SLC24A4: variants seen among roughly 807,000 people sequenced by gnomAD.
SLC24A4 encodes the protein sodium/potassium/calcium exchanger 4.
A neutral mutation model predicts 79.0 loss-of-function variants in SLC24A4; 53 were observed. The observed-to-expected ratio is 0.67, with a 90% CI of 0.54 to 0.84. SLC24A4 has a LOEUF of 0.84. Ranked by LOEUF, SLC24A4 falls within the 40% of genes least tolerant of loss-of-function variation. SLC24A4 has a pLI of 0.00. For missense variants in SLC24A4, 731 were observed against 822.0 expected, an observed-to-expected ratio of 0.89 and a Z score of 1.35; for synonymous variants, 323 against 323.8, an observed-to-expected ratio of 1.00 and a Z score of 0.03.
intron 12 of SLC24A4, among the ~76,000 whole-genome samples, chr14:92,480,306 A>G (rs868684773): frequency 3.3e-4 from 1 of 2,998 alleles, no homozygotes; most frequent in Admixed American, 5.5e-3. Flanking sequence ...TTTTTTTTTG[A>G]GATGGAGTCT....
At chr14:92,384,633 G>A (rs1217498261) in intron 2 of SLC24A4, among the ~76,000 whole-genome samples, 1 of 152,134 alleles carries the variant, frequency 6.6e-6, no homozygotes, top group Non-Finnish European at 1.5e-5. Context: ...GTCAATCCTG[G>A]CTGGCTTCAT....
intron 3 of SLC24A4, among the ~76,000 whole-genome samples, chr14:92,437,311 G>A (rs1892229959): frequency 6.6e-6 from 1 of 152,118 alleles, no homozygotes; most frequent in Admixed American, 6.5e-5. Context: ...ATATTTTACT[G>A]GCCAATTTGC....
At chr14:92,386,044 C>T (rs965985414) in intron 2 of SLC24A4, among the ~76,000 whole-genome samples, 2 of 152,158 alleles carry the variant, frequency 1.3e-5, no homozygotes, top group African/African-American at 4.8e-5. Context: ...GGGTCCTGTC[C>T]CTGTTTGGAG....
chr14:92,426,001 T>G (rs1270866780), intron 2 of SLC24A4, among the ~76,000 whole-genome samples: 1 of 151,770 alleles, frequency 6.6e-6, no homozygotes, highest in Admixed American at 6.6e-5. Context: ...AATCAATCAG[T>G]CAATCAATCA....
intron 2 of SLC24A4, among the ~76,000 whole-genome samples, chr14:92,375,343 G>A (rs913548477): frequency 4.6e-5 from 7 of 152,120 alleles, no homozygotes; most frequent in African/African-American, 1.2e-4. Context: ...TAAGACCCTC[G>A]GACAGTGCTG....
intron 2 of SLC24A4, among the ~76,000 whole-genome samples, chr14:92,396,048 A>T (rs1443803043): frequency 6.6e-6 from 1 of 151,296 alleles, no homozygotes; most frequent in Non-Finnish European, 1.5e-5. Context: ...CTGGTCTTGA[A>T]CTCCTGACCT....
intron 2 of SLC24A4, among the ~76,000 whole-genome samples, chr14:92,392,773 G>A (rs573214300): frequency 3.9e-5 from 6 of 152,340 alleles, no homozygotes; most frequent in East Asian, 3.9e-4. Flanking sequence ...GAGGAAGCCC[G>A]TTTGCCTCTT....
chr14:92,449,242 C>T, intron 10 of SLC24A4, 26 bp downstream of exon 10: 1 of 1,609,412 alleles, frequency 6.2e-7, no homozygotes. Context: ...CAGGAGTGGG[C>T]AGAAATGTGT....
intron 2 of SLC24A4, among the ~76,000 whole-genome samples, chr14:92,359,422 A>G (rs1887370499): frequency 6.6e-6 from 1 of 152,142 alleles, no homozygotes; most frequent in South Asian, 2.1e-4. Context: ...AAAAATAAAA[A>G]ATAGAAATAA....
chr14:92,439,825 G>C (rs756321228), intron 4 of SLC24A4, among the ~76,000 whole-genome samples: 1 of 152,208 alleles, frequency 6.6e-6, no homozygotes, highest in Non-Finnish European at 1.5e-5. Context: ...CAGCAGCAGG[G>C]AATTCCCCTC....
intron 2 of SLC24A4, among the ~76,000 whole-genome samples, chr14:92,404,324 C>T (rs1198820383): frequency 6.6e-6 from 1 of 152,206 alleles, no homozygotes; most frequent in African/African-American, 2.4e-5. Flanking sequence ...AATCAAATCA[C>T]ACAACTTTTT....
In SLC24A4 at chr14:92,323,577, C is replaced by T. The variant is rs1450404739; in HGVS notation, c.-254C>T. On this transcript the variant is annotated 5_prime_UTR_variant, in exon 1 of 17. Coordinates refer to ENST00000532405, the MANE Select transcript of SLC24A4 (RefSeq NM_153646.4). The surrounding 1 kb of genome is among the most constrained non-coding windows in gnomAD (Gnocchi z 4.9). ...CGCCACCGTGCCGGCGTCGCCTCCT[C>T]GCCACGGAGCCATGGTGCGCGCAGC... 1.0e-4 allele frequency: 32 copies of T among 310,838 alleles called. No individual in the cohort carries two copies. The South Asian group carries it at 3.8e-3, about 37-fold the overall frequency. The allele number at this position is 310,838 out of a possible 1,614,324, so 19.3% of individuals were successfully genotyped here. A position where few individuals can be genotyped will look rare whatever the true frequency, so the allele number is the denominator to read the frequency against.
chr14:92,369,790 C>A (rs1888047863), intron 2 of SLC24A4, among the ~76,000 whole-genome samples: 1 of 152,146 alleles, frequency 6.6e-6, no homozygotes, highest in Non-Finnish European at 1.5e-5. Flanking sequence ...ATGCCAATAG[C>A]ATACTCACCC....
intron 1 of SLC24A4, among the ~76,000 whole-genome samples, chr14:92,325,422 G>C (rs1226086115): frequency 6.6e-6 from 1 of 152,208 alleles, no homozygotes; most frequent in East Asian, 1.9e-4. Flanking sequence ...AGATCCCCAG[G>C]TGATCTGTGT....
intron 2 of SLC24A4, among the ~76,000 whole-genome samples, chr14:92,378,095 G>A: frequency 1.3e-5 from 2 of 152,116 alleles, no homozygotes; most frequent in East Asian, 3.8e-4. Flanking sequence ...CTCTTATCAT[G>A]GGAGTCATCC....
At chr14:92,428,997 G>A (rs1891716466) in intron 2 of SLC24A4, among the ~76,000 whole-genome samples, 1 of 152,252 alleles carries the variant, frequency 6.6e-6, no homozygotes, top group South Asian at 2.1e-4. Context: ...GGAAACGTCA[G>A]TGGTATGGCA....
intron 2 of SLC24A4, among the ~76,000 whole-genome samples, chr14:92,331,295 A>T (rs1223590451): frequency 2.0e-5 from 3 of 152,180 alleles, no homozygotes; most frequent in Non-Finnish European, 2.9e-5. Context: ...ATTTATTTTT[A>T]AAAAATGAGA....
In SLC24A4 at chr14:92,395,432, AACACACACACACAC is replaced by A. The variant is rs60360408; in HGVS notation, c.242-38459_242-38446del. On this transcript the variant is annotated intron_variant, in intron 2 of 16. Coordinates refer to ENST00000532405, the MANE Select transcript of SLC24A4 (RefSeq NM_153646.4). ...GATGATTCAAAACAAAACAAAACAA[AACACACACACACAC>A]ACACACACACACACACACACGAAAC... Among the ~76,000 whole-genome samples the A allele has an allele frequency of 2.3e-4, 34 of 144,914 alleles. 1 individual carries two copies. Among genetic ancestry groups the A allele is most frequent in the African/African-American group, 2.8e-4 (11 of 39,440 alleles).
chr14:92,443,324 G>T, intron 6 of SLC24A4, 76 bp from the exon 7 acceptor site: 1 of 1,406,052 alleles, frequency 7.1e-7, no homozygotes, highest in Non-Finnish European at 1.0e-6. Flanking sequence ...GCACTGCGGG[G>T]GGAGGAGGCC....
Sources: allele counts gnomAD v4.1 joint callset (sites outside exome capture counted in the v4.1 genomes callset), GRCh38; gene constraint gnomAD v4.1.1; non-coding constraint Gnocchi (gnomAD v3.1); transcripts MANE v1.5; gene names NCBI Gene and HGNC (gene_info 2026-07-23, HGNC 2026-07-21).